COL19A1: variants seen among roughly 807,000 people sequenced by gnomAD.
COL19A1 encodes collagen type XIX alpha 1 chain, also known as collagen alpha-1(XIX) chain.
COL19A1 carries 159 observed loss-of-function variants against 190.2 expected under a neutral mutation model. The observed-to-expected ratio is 0.84, with a 90% CI of 0.73 to 0.95. The LOEUF is 0.95. COL19A1 is among the 40% of genes least tolerant of loss of function. COL19A1 has a pLI of 0.00. For missense variants in COL19A1, 1,418 were observed against 1,431.9 expected (o/e 0.99, Z 0.16); for synonymous variants, 509 against 458.9 (o/e 1.11, Z -1.39).
rs753738836 is a variant in COL19A1 at position 70,144,253 on chromosome 6, A to C, written c.1670A>C (p.Lys557Thr). The change falls in exon 24 of 51, where the codon AAA (lysine) becomes ACA (threonine). Residue 557 changes from lysine to threonine, a missense_variant. By Grantham distance (78) the Lys-to-Thr change is moderately conservative. Coordinates refer to ENST00000620364, the MANE Select transcript of COL19A1 (RefSeq NM_001858.6). ...GGTATCCCAGGAAAACAAGGCATTA[A>C]AGGAGAAAAGGTATAGTTTACATTT... ...EHGIPGKQGI[K>T]GEKGDPGGII... 1 of 1,612,216 alleles carries C rather than the reference A, an allele frequency of 6.2e-7. No homozygotes were observed. Among genetic ancestry groups the C allele is most frequent in the Non-Finnish European group, 8.5e-7 (1 of 1,178,742 alleles).
intron 11 of COL19A1, among the ~76,000 whole-genome samples, chr6:69,986,985 A>G (rs754308015): frequency 6.6e-6 from 1 of 152,188 alleles, no homozygotes; most frequent in Non-Finnish European, 1.5e-5. Context: ...CAGCAGAGAA[A>G]ACACAGCTCA....
chr6:70,149,974 G>A lies in COL19A1; in HGVS notation c.1984-18G>A. 6.2e-7 allele frequency: 1 copy of A among 1,613,746 alleles called. No homozygotes were observed. The highest frequency in any genetic ancestry group is 8.5e-7 in the Non-Finnish European group (1 of 1,179,788). On this transcript the variant is annotated intron_variant, in intron 29 of 50. Transcript: ENST00000620364. ...TGTGCCACGTGCAAAGATTGAACATGGATACCTCTGTTTTCAGGGAGTTCC... is the reference window on the plus strand; with the variant it reads ...TGTGCCACGTGCAAAGATTGAACATAGATACCTCTGTTTTCAGGGAGTTCC...
chr6:69,968,308 A>G (rs1775237570), intron 11 of COL19A1, among the ~76,000 whole-genome samples: 1 of 152,142 alleles, frequency 6.6e-6, no homozygotes, highest in African/African-American at 2.4e-5. Context: ...CATTCTTGTT[A>G]TTCTGTTGCT....
intron 6 of COL19A1, among the ~76,000 whole-genome samples, chr6:69,930,774 G>C (rs1367261718): frequency 6.6e-6 from 1 of 152,274 alleles, no homozygotes; most frequent in East Asian, 1.9e-4. Flanking sequence ...ACTCCAGCTT[G>C]AGCGACAGAG....
At chr6:69,873,318 C>G (rs568718990) in intron 1 of COL19A1, among the ~76,000 whole-genome samples, 3 of 152,234 alleles carry the variant, frequency 2.0e-5, no homozygotes, top group African/African-American at 7.2e-5. Flanking sequence ...GTCCATCTTC[C>G]CAGGGAAAGA....
intron 14 of COL19A1, among the ~76,000 whole-genome samples, chr6:70,050,354 T>G (rs1216083077): frequency 1.3e-5 from 2 of 151,992 alleles, no homozygotes; most frequent in Non-Finnish European, 2.9e-5. Context: ...AATCACAGGA[T>G]TTTTATGGGT....
intron 27 of COL19A1, among the ~76,000 whole-genome samples, chr6:70,148,134 G>T (rs1197577950): frequency 6.6e-6 from 1 of 151,942 alleles, no homozygotes; most frequent in African/African-American, 2.4e-5. Context: ...TTTTATAGAG[G>T]CTTCATCATG....
chr6:70,165,961 G>A lies in COL19A1; in HGVS notation c.2421G>A (p.Gly807=). Reference sequence around the variant, plus strand: ...TGCAGGGCAGCGACGGACCCCCTGGGAAACCCGGACCACCTGGACCACCTG... The same window carrying A: ...TGCAGGGCAGCGACGGACCCCCTGGAAAACCCGGACCACCTGGACCACCTG... ...KGEKGSDGPP[G]KPGPPGPPGI... The change falls in exon 37 of 51, where the codon GGG becomes GGA. Residue 807 remains glycine, a synonymous_variant. Transcript: ENST00000620364. The A allele has an allele frequency of 6.2e-7, 1 of 1,614,006 alleles. No individual in the cohort carries two copies. Among genetic ancestry groups the A allele is most frequent in the Non-Finnish European group, 8.5e-7 (1 of 1,179,912 alleles).
intron 42 of COL19A1, among the ~76,000 whole-genome samples, chr6:70,177,518 G>A (rs1043993146): frequency 3.3e-5 from 5 of 152,136 alleles, no homozygotes; most frequent in East Asian, 3.8e-4. Flanking sequence ...TGCATCCTTC[G>A]TAGATGATGA....
chr6:70,170,657 A>G (rs1276173267), intron 40 of COL19A1, among the ~76,000 whole-genome samples: 2 of 152,106 alleles, frequency 1.3e-5, no homozygotes, highest in African/African-American at 4.8e-5. Flanking sequence ...TCAGCAACCT[A>G]GGGCCTCTTA....
chr6:70,206,737 T>C (rs566830675), intron 49 of COL19A1, among the ~76,000 whole-genome samples, 164 bp from the exon 50 acceptor site: 36 of 152,250 alleles, frequency 2.4e-4, no homozygotes, highest in Non-Finnish European at 4.4e-4. Flanking sequence ...CTGTTTGATA[T>C]GTAAGTTTAA....
chr6:69,905,391 G>A (rs1467838545), intron 4 of COL19A1, among the ~76,000 whole-genome samples: 2 of 152,176 alleles, frequency 1.3e-5, no homozygotes, highest in African/African-American at 4.8e-5. Context: ...CCCACACACA[G>A]CTACATGGAC....
At position 70,136,182 on chromosome 6, in the gene COL19A1, A is replaced by G. The variant is rs144869383; in HGVS notation, c.1384-1503A>G. On this transcript the variant is annotated intron_variant, in intron 18 of 50. Coordinates refer to ENST00000620364, the MANE Select transcript of COL19A1 (RefSeq NM_001858.6). Reference sequence around the variant, plus strand: ...AATACAAACATGATCTTGTCTATCCATTACAGAAAATCACAAGACATGGAT... The same window carrying G: ...AATACAAACATGATCTTGTCTATCCGTTACAGAAAATCACAAGACATGGAT... Among the ~76,000 whole-genome samples, 26 of 152,330 alleles carry G rather than the reference A, an allele frequency of 1.7e-4. No homozygotes were observed. In the East Asian group the frequency reaches 3.7e-3, roughly 21 times the overall value.
At chr6:70,108,250 GTTA>G (rs1227435757) in intron 16 of COL19A1, among the ~76,000 whole-genome samples, 1 of 152,108 alleles carries the variant, frequency 6.6e-6, no homozygotes, top group Non-Finnish European at 1.5e-5. Flanking sequence ...TTAAAATTGT[GTTA>G]TTATTTCTTC....
chr6:70,133,991 A>G (rs575936962), intron 18 of COL19A1, among the ~76,000 whole-genome samples: 2 of 152,138 alleles, frequency 1.3e-5, no homozygotes, highest in East Asian at 3.9e-4. Flanking sequence ...CACCATGTAC[A>G]TTGTCCTCCC....
At chr6:69,997,030 G>T (rs201745005) in intron 11 of COL19A1, among the ~76,000 whole-genome samples, 39,322 of 121,518 alleles carry the variant, frequency 0.32, 6,587 homozygotes, top group African/African-American at 0.54. Context: ...TATATATAGA[G>T]AGAGAGAGAG....
chr6:69,874,993 C>T (rs749403136), intron 1 of COL19A1, among the ~76,000 whole-genome samples: 11 of 152,042 alleles, frequency 7.2e-5, no homozygotes, highest in Non-Finnish European at 1.3e-4. Context: ...TGCAAGGCAC[C>T]TAGGATACAG....
At chr6:69,991,854 T>G (rs146272972) in intron 11 of COL19A1, among the ~76,000 whole-genome samples, 1 of 151,986 alleles carries the variant, frequency 6.6e-6, no homozygotes, top group East Asian at 1.9e-4. Flanking sequence ...GTTTACTCTG[T>G]GAATAGTATT....
intron 37 of COL19A1, 89 bp from the exon 38 acceptor site, chr6:70,167,936 G>A (rs577788691): frequency 1.6e-5 from 15 of 919,484 alleles, no homozygotes; most frequent in African/African-American, 1.3e-4. Context: ...AAATAGAATA[G>A]GAATAGTATC....
Sources: allele counts gnomAD v4.1 joint callset (sites outside exome capture counted in the v4.1 genomes callset), GRCh38; gene constraint gnomAD v4.1.1; transcripts MANE v1.5; gene names NCBI Gene and HGNC (gene_info 2026-07-23, HGNC 2026-07-21).